Variants in OSBPL10 observed in about 807,000 individuals in gnomAD.
The protein encoded by OSBPL10 is oxysterol binding protein like 10.
Under a neutral mutation model 81.7 loss-of-function variants are expected in OSBPL10, and 49 were observed. That is an observed-to-expected ratio of 0.60 (90% CI 0.48 to 0.76). The LOEUF is 0.76. OSBPL10 is among the 30% of genes least tolerant of loss of function. The pLI, the probability that OSBPL10 is intolerant of heterozygous loss-of-function variation, is 0.00. For synonymous variants in OSBPL10, 419 were observed against 383.6 expected, an observed-to-expected ratio of 1.09 and a Z score of -1.08; for missense variants, 923 against 987.8, an observed-to-expected ratio of 0.93 and a Z score of 0.88.
chr3:31,728,022 G>C (rs933356551), intron 6 of OSBPL10, among the ~76,000 whole-genome samples: 1 of 152,154 alleles, frequency 6.6e-6, no homozygotes, highest in Non-Finnish European at 1.5e-5. Flanking sequence ...TTTTATATCA[G>C]TCTCCTTCCC....
intron 4 of OSBPL10, among the ~76,000 whole-genome samples, chr3:31,784,126 G>C (rs1455226993): frequency 6.6e-6 from 1 of 151,452 alleles, no homozygotes; most frequent in Non-Finnish European, 1.5e-5. Flanking sequence ...ATCACTTGAG[G>C]TCAGGAGTTC....
chr3:31,710,253 G>A lies in OSBPL10; in HGVS notation c.1096-7745C>T, dbSNP rs528568927. Among the ~76,000 whole-genome samples, 8 of 150,026 alleles carry A rather than the reference G, an allele frequency of 5.3e-5. No individual in the cohort carries two copies. In the South Asian group the frequency reaches 1.1e-3, roughly 20 times the overall value. On this transcript the variant is annotated intron_variant, in intron 6 of 11. Transcript: ENST00000396556. ...GCTCTAGGTCTCAACAAGGCAAAGC[G>A]TGTAAAGCACTGAACACAGTGGCTG...
At chr3:31,763,188 A>G (rs141046927) in intron 4 of OSBPL10, among the ~76,000 whole-genome samples, 23 of 152,364 alleles carry the variant, frequency 1.5e-4, no homozygotes, top group Admixed American at 2.6e-4. Context: ...AAGTGTTTAC[A>G]TTTCTGTCAG....
At chr3:31,818,218 G>A (rs1208329737) in intron 4 of OSBPL10, among the ~76,000 whole-genome samples, 3 of 152,146 alleles carry the variant, frequency 2.0e-5, no homozygotes, top group Non-Finnish European at 1.5e-5. Flanking sequence ...CCTCTGTAAT[G>A]TGGGTGGGCC....
chr3:32,023,711 T>C (rs1373735979), intron 2 of OSBPL10, among the ~76,000 whole-genome samples: 5 of 152,210 alleles, frequency 3.3e-5, no homozygotes, highest in Non-Finnish European at 7.3e-5. Context: ...TCCTGCTTCA[T>C]TGCCTTACAA....
chr3:31,762,887 C>T (rs563936819), intron 4 of OSBPL10, among the ~76,000 whole-genome samples: 1 of 152,086 alleles, frequency 6.6e-6, no homozygotes, highest in African/African-American at 2.4e-5. Flanking sequence ...TTCTGTGCTC[C>T]TCACCTCATG....
chr3:31,867,081 A>G lies in OSBPL10; in HGVS notation c.537+9352T>C, dbSNP rs373979602. Reference sequence around the variant, plus strand: ...GAAAATAAGCCCTAACCATATGCCAATCTAACCACAGTGTCTTCACACTCT... The same window carrying G: ...GAAAATAAGCCCTAACCATATGCCAGTCTAACCACAGTGTCTTCACACTCT... On this transcript the variant is annotated intron_variant, in intron 3 of 11. Coordinates refer to ENST00000396556, the MANE Select transcript of OSBPL10 (RefSeq NM_017784.5). Among the ~76,000 whole-genome samples, 8 of 152,316 alleles carry G rather than the reference A, an allele frequency of 5.3e-5. No homozygotes were observed. The South Asian group carries it at 1.2e-3, about 24-fold the overall frequency.
chr3:31,980,899 C>A lies in OSBPL10; in HGVS notation c.281G>T (p.Arg94Met). 4 of 1,568,556 alleles carry A rather than the reference C, an allele frequency of 2.6e-6. No homozygotes were observed. Among genetic ancestry groups the A allele is most frequent in the Non-Finnish European group, 2.6e-6 (3 of 1,161,132 alleles). ...YTNLLQGWQN[R>M]YFVLDFEAGI... is the part of the protein sequence containing the mutation. ...GTGGCGCGGGCGGCTGGCGCGTTACCTGTTCTGCCAGCCCTGGAGGAGGTT... is the reference window on the plus strand; with the variant it reads ...GTGGCGCGGGCGGCTGGCGCGTTACATGTTCTGCCAGCCCTGGAGGAGGTT... Residue 94 changes from arginine (R) to methionine (M), a missense_variant and splice_region_variant, in exon 1 of 12, where the codon AGG (arginine) becomes ATG (methionine). Arg to Met is a moderately conservative substitution (Grantham distance 91). Transcript: ENST00000396556.
intron 11 of OSBPL10, chr3:31,663,018 T>G: frequency 1.0e-6 from 1 of 985,444 alleles, no homozygotes; most frequent in Non-Finnish European, 1.2e-6. Flanking sequence ...ACAGCCTGAC[T>G]CTGGGGAGAA....
intron 11 of OSBPL10, chr3:31,663,245 A>G: frequency 1.0e-6 from 1 of 983,750 alleles, no homozygotes; most frequent in Non-Finnish European, 1.2e-6. Context: ...GACCATGCAA[A>G]TATGAGATTT....
chr3:31,981,350 G>A (rs957986394), upstream of OSBPL10: 1 of 1,171,484 alleles, frequency 8.5e-7, no homozygotes, highest in Non-Finnish European at 1.1e-6. This position sits in a 1 kb window ranked among gnomAD's most constrained non-coding sequence, Gnocchi z 4.5. Context: ...GGAGAGCTGG[G>A]AAGGAAGCCA....
chr3:32,064,016 T>G (rs1699763774), intron 1 of OSBPL10: 2 of 94,018 alleles, frequency 2.1e-5, no homozygotes, highest in Non-Finnish European at 5.7e-5. Flanking sequence ...CAGGCTGGAA[T>G]GCAGTGGCAT....
In OSBPL10 at chr3:31,981,112, C is replaced by T. The variant is rs1233452341; in HGVS notation, c.68G>A (p.Arg23His). 2.0e-6 allele frequency: 3 copies of T among 1,492,396 alleles called. No homozygotes were observed. The highest frequency in any genetic ancestry group is 2.3e-5 in the Admixed American group (1 of 44,316). 92.4% of individuals were successfully genotyped at this position (1,492,396 alleles called of 1,614,324 possible). The change falls in exon 1 of 12, where the codon CGT becomes CAT. Residue 23 changes from arginine (R) to histidine (H), a missense_variant. Arg to His is a conservative substitution (Grantham distance 29, BLOSUM62 0). Coordinates refer to ENST00000396556, the MANE Select transcript of OSBPL10 (RefSeq NM_017784.5). The surrounding 1 kb of genome is among the most constrained non-coding windows in gnomAD (Gnocchi z 4.5). Reference sequence around the variant, plus strand: ...GGGCGAGGAGCCCGCCGAGGTAGCACGGCTGCTGCTGCGGCTGCTGCTGTT... The same window carrying T: ...GGGCGAGGAGCCCGCCGAGGTAGCATGGCTGCTGCTGCGGCTGCTGCTGTT... ...GSNSSSRSSS[R>H]ATSAGSSPSC...
chr3:31,717,724 C>T (rs1696490420), intron 6 of OSBPL10, among the ~76,000 whole-genome samples: 1 of 152,220 alleles, frequency 6.6e-6, no homozygotes. Context: ...TGTACTTTTA[C>T]TCAAATGTGA....
At chr3:31,783,785 C>A (rs532688862) in intron 4 of OSBPL10, among the ~76,000 whole-genome samples, 2 of 27,990 alleles carry the variant, frequency 7.1e-5, no homozygotes, top group African/African-American at 1.0e-4. Flanking sequence ...AGCAAGACTC[C>A]GATTAAAAAA....
intron 6 of OSBPL10, among the ~76,000 whole-genome samples, chr3:31,719,499 G>A (rs1453202335): frequency 4.6e-5 from 7 of 151,948 alleles, no homozygotes; most frequent in African/African-American, 1.7e-4. Flanking sequence ...TTATAAAAAA[G>A]GAAATTAAAA....
At chr3:31,773,954 G>A (rs1415240327) in intron 4 of OSBPL10, among the ~76,000 whole-genome samples, 1 of 152,160 alleles carries the variant, frequency 6.6e-6, no homozygotes, top group African/African-American at 2.4e-5. Flanking sequence ...ACGAGGTCAG[G>A]AGTTCGAGAC....
At chr3:31,761,812 C>CAAAAAAAAAAA (rs1698049547) in intron 4 of OSBPL10, among the ~76,000 whole-genome samples, 1 of 51,874 alleles carries the variant, frequency 1.9e-5, no homozygotes, top group African/African-American at 2.5e-4. Context: ...AAGACTGTCT[C>CAAAAAAAAAAA]TAAAAAAAAA....
intron 7 of OSBPL10, among the ~76,000 whole-genome samples, chr3:31,685,852 C>T (rs1472658506): frequency 6.6e-6 from 1 of 152,204 alleles, no homozygotes; most frequent in Admixed American, 6.5e-5. Context: ...AGAAGAGATG[C>T]TGCTGTGGTC....
Sources: allele counts gnomAD v4.1 joint callset (sites outside exome capture counted in the v4.1 genomes callset), GRCh38; gene constraint gnomAD v4.1.1; non-coding constraint Gnocchi (gnomAD v3.1); transcripts MANE v1.5; gene names NCBI Gene and HGNC (gene_info 2026-07-23, HGNC 2026-07-21).